ZNF251: variants seen among roughly 807,000 people sequenced by gnomAD.
The protein encoded by ZNF251 is zinc finger protein 251.
ZNF251 carries 14 observed loss-of-function variants against 13.5 expected under a neutral mutation model. The ratio of observed to expected loss-of-function variants is 1.04; its 90% CI spans 0.69 to 1.63. The LOEUF is 1.63. Among genes scored for constraint, ZNF251 ranks in the 40% most tolerant of loss-of-function variants. The pLI, the probability that ZNF251 is intolerant of heterozygous loss-of-function variation, is 0.00. For synonymous variants in ZNF251, 287 were observed against 295.2 expected, an observed-to-expected ratio of 0.97 and a Z score of 0.28; for missense variants, 764 against 834.9, an observed-to-expected ratio of 0.92 and a Z score of 1.05.
chr8:144,744,942 G>A lies in ZNF251; in HGVS notation c.277+8741C>T, dbSNP rs767411545. On this transcript the variant is annotated intron_variant, in intron 4 of 4. Coordinates refer to ENST00000292562, the MANE Select transcript of ZNF251 (RefSeq NM_138367.2). ...GTGGTGGCGGGCGCCTGTAATCCCA[G>A]CTACTAGGGAGGCTGAGGCAGGAGA... Among the ~76,000 whole-genome samples, 132 of 152,296 alleles carry A rather than the reference G, an allele frequency of 8.7e-4. 2 individuals carry two copies. The highest frequency in any genetic ancestry group is 3.3e-3 in the South Asian group (16 of 4,830).
At chr8:144,736,513 C>A (rs1823902042) in intron 4 of ZNF251, among the ~76,000 whole-genome samples, 2 of 148,834 alleles carry the variant, frequency 1.3e-5, no homozygotes, top group Non-Finnish European at 3.0e-5. Flanking sequence ...ATTTTTGAGA[C>A]AGAGTTTCGC....
At chr8:144,735,021 C>G (rs1823835843) in intron 4 of ZNF251, among the ~76,000 whole-genome samples, 1 of 151,516 alleles carries the variant, frequency 6.6e-6, no homozygotes, top group Non-Finnish European at 1.5e-5. Context: ...TTGCAGTGAG[C>G]CAAGATCGCA....
At chr8:144,754,545 C>T (rs1824863840) in intron 2 of ZNF251, 151 bp downstream of exon 2, 7 of 1,450,338 alleles carry the variant, frequency 4.8e-6, no homozygotes, top group East Asian at 2.5e-5. Flanking sequence ...TGCAGGAGGG[C>T]GAGTCTACCT....
At chr8:144,729,993 G>T (rs1348388387) in intron 4 of ZNF251, 1 of 970,172 alleles carries the variant, frequency 1.0e-6, no homozygotes, top group Non-Finnish European at 1.2e-6. Flanking sequence ...GCCCACCCAG[G>T]GCTGGCGTTG....
chr8:144,750,846 G>GTTTTTTTTTTTTTTTTTTTTTT (rs58473905), intron 4 of ZNF251, among the ~76,000 whole-genome samples: 1 of 141,312 alleles, frequency 7.1e-6, no homozygotes, highest in Non-Finnish European at 1.5e-5. Flanking sequence ...TCTCTCCAGA[G>GTTTTTTTTTTTTTTTTTTTTTT]TTTTTTTTTT....
At chr8:144,739,001 G>A (rs540146889) in intron 4 of ZNF251, among the ~76,000 whole-genome samples, 1 of 152,100 alleles carries the variant, frequency 6.6e-6, no homozygotes, top group South Asian at 2.1e-4. Flanking sequence ...AGGCCTTCCT[G>A]ACGGGGATGG....
chr8:144,748,335 G>C (rs958713217), intron 4 of ZNF251, among the ~76,000 whole-genome samples: 3 of 152,084 alleles, frequency 2.0e-5, no homozygotes, highest in African/African-American at 7.2e-5. Context: ...CGGCCTCCCA[G>C]TGCTGGGATT....
At chr8:144,730,063 T>G in intron 4 of ZNF251, 1 of 985,466 alleles carries the variant, frequency 1.0e-6, no homozygotes, top group Non-Finnish European at 1.2e-6. Flanking sequence ...TGTGCAGCTG[T>G]ATGGCAGGCC....
intron 4 of ZNF251, among the ~76,000 whole-genome samples, chr8:144,737,837 CAAAAAA>C (rs56856212): frequency 1.9e-5 from 1 of 52,020 alleles, no homozygotes; most frequent in Non-Finnish European, 3.3e-5. Flanking sequence ...GACTCTGTCT[CAAAAAA>C]AAAAAAAAAA....
At chr8:144,731,497 A>C (rs774300351) in intron 4 of ZNF251, among the ~76,000 whole-genome samples, 22 of 152,256 alleles carry the variant, frequency 1.4e-4, no homozygotes, top group Non-Finnish European at 2.9e-4. Flanking sequence ...TCAAAAGAAA[A>C]AACTGTAAAC....
chr8:144,749,339 G>T (rs1045574955), intron 4 of ZNF251, among the ~76,000 whole-genome samples: 2 of 152,058 alleles, frequency 1.3e-5, no homozygotes. Context: ...ACAAAAATCA[G>T]CCAGGTGTGG....
intron 4 of ZNF251, among the ~76,000 whole-genome samples, chr8:144,732,211 G>A (rs538559019): frequency 6.6e-6 from 1 of 152,266 alleles, no homozygotes; most frequent in East Asian, 1.9e-4. Context: ...CCAAAGTGTT[G>A]GGATTACAGG....
Position 144,722,999 on chromosome 8 carries a change from T to C in ZNF251, c.661A>G (p.Asn221Asp). The C allele has an allele frequency of 6.2e-7, 1 of 1,613,856 alleles. No individual in the cohort carries two copies. Among genetic ancestry groups the C allele is most frequent in the East Asian group, 2.2e-5 (1 of 44,900 alleles). Reference sequence around the variant, plus strand: ...CTCTGGTGTCTACTTAGGTCTGAATTATATTTGAAGGTTTTGCTGCATATA... The same window carrying C: ...CTCTGGTGTCTACTTAGGTCTGAATCATATTTGAAGGTTTTGCTGCATATA... ...CDICSKTFKYNSDLSRHQRSH... is the reference protein window; with the variant it reads ...CDICSKTFKYDSDLSRHQRSH... Residue 221 changes from asparagine to aspartate, a missense_variant, in exon 5 of 5, where the codon AAT becomes GAT. Coordinates refer to ENST00000292562, the MANE Select transcript of ZNF251 (RefSeq NM_138367.2). The surrounding 1 kb of genome is among the most constrained non-coding windows in gnomAD (Gnocchi z 4.8).
At chr8:144,725,733 G>C (rs1444005581) in intron 4 of ZNF251, among the ~76,000 whole-genome samples, 1 of 152,152 alleles carries the variant, frequency 6.6e-6, no homozygotes, top group Non-Finnish European at 1.5e-5. Flanking sequence ...TGTATGTGAG[G>C]TTAATTCATC....
rs774841443 is a variant in ZNF251 at position 144,722,732 on chromosome 8, G to T, written c.928C>A (p.Gln310Lys). 6.2e-7 allele frequency: 1 copy of T among 1,614,128 alleles called. No individual in the cohort carries two copies. The highest frequency in any genetic ancestry group is 8.5e-7 in the Non-Finnish European group (1 of 1,179,986). ...TCTCCTGTGTGAATGATCCGATGTT[G>T]AATAAGAGTTGAGCTTCGACTGAAA... The part of the protein sequence containing the change: ...KAFSRSSTLI[Q>K]HRIIHTGEKP... The change falls in exon 5 of 5, where the codon CAA (glutamine) becomes AAA (lysine). Residue 310 changes from glutamine (Q) to lysine (K), a missense_variant. By Grantham distance (53) the Gln-to-Lys change is moderately conservative. Coordinates refer to ENST00000292562, the MANE Select transcript of ZNF251 (RefSeq NM_138367.2). This position sits in a 1 kb window ranked among gnomAD's most constrained non-coding sequence, Gnocchi z 4.8.
chr8:144,733,449 G>A (rs528557404), intron 4 of ZNF251, among the ~76,000 whole-genome samples: 57 of 152,250 alleles, frequency 3.7e-4, no homozygotes, highest in African/African-American at 1.3e-3. Flanking sequence ...CATGAGCTCC[G>A]GCTGCCATGA....
At chr8:144,731,818 C>T (rs1823703251) in intron 4 of ZNF251, among the ~76,000 whole-genome samples, 1 of 152,142 alleles carries the variant, frequency 6.6e-6, no homozygotes, top group African/African-American at 2.4e-5. Context: ...GAACTCCTGA[C>T]TCCAGGTGAT....
chr8:144,738,416 G>T (rs1429127671), intron 4 of ZNF251: 2 of 298,120 alleles, frequency 6.7e-6, no homozygotes, highest in African/African-American at 2.3e-5. Context: ...CCATGCCACA[G>T]CTCAGGACAC....
intron 4 of ZNF251, among the ~76,000 whole-genome samples, chr8:144,732,624 A>C (rs574561144): frequency 2.2e-4 from 33 of 151,556 alleles, no homozygotes; most frequent in African/African-American, 7.0e-4. Flanking sequence ...CATCCTGGCC[A>C]ACACGGTGAA....
Sources: gnomAD v4.1 joint callset for allele counts (sites outside exome capture counted in the v4.1 genomes callset) on GRCh38, gnomAD v4.1.1 for gene constraint, Gnocchi (gnomAD v3.1) non-coding constraint, MANE v1.5 for transcripts, NCBI Gene and HGNC (gene_info 2026-07-23, HGNC 2026-07-21) for gene names.